NCOA3: variants seen among roughly 807,000 people sequenced by gnomAD.
The protein encoded by NCOA3 is CBP-interacting protein.
NCOA3 carries 51 observed loss-of-function variants against 158.8 expected under a neutral mutation model. The ratio of observed to expected loss-of-function variants is 0.32; its 90% CI spans 0.26 to 0.41. The LOEUF (loss-of-function observed/expected upper bound fraction) is 0.41, where lower values mean the gene tolerates loss of function less well. NCOA3 is among the 10% of genes least tolerant of loss of function. The probability of loss-of-function intolerance (pLI) is 1.00; values close to 1 mark genes in which losing one functional copy is unlikely to be tolerated. For missense variants in NCOA3, 1,510 were observed against 1,746.6 expected, an observed-to-expected ratio of 0.86 and a Z score of 2.41; for synonymous variants, 537 against 592.4, an observed-to-expected ratio of 0.91 and a Z score of 1.36.
intron 4 of NCOA3, among the ~76,000 whole-genome samples, chr20:47,624,818 G>T (rs1182722439): frequency 6.6e-6 from 1 of 152,096 alleles, no homozygotes; most frequent in African/African-American, 2.4e-5. Context: ...TGTCTCTCGG[G>T]CTGGAGTGCA....
chr20:47,525,804 G>A (rs527758002), intron 1 of NCOA3, among the ~76,000 whole-genome samples: 1 of 116,700 alleles, frequency 8.6e-6, no homozygotes, highest in African/African-American at 3.6e-5. Flanking sequence ...GGCTGGCCGG[G>A]CAGAGGGGCT....
chr20:47,636,080 A>G lies in NCOA3; in HGVS notation c.1694A>G (p.Gln565Arg), dbSNP rs1394918668. ...NITQPSKVSN[Q>R]DSKSPLGFYC... ...ACCCAACCAAGTAAAGTAAGCAATC[A>G]GGATTCCAAGAGTCCTCTGGGCTTT... Residue 565 changes from glutamine (Q) to arginine (R), a missense_variant, in exon 12 of 23, where the codon CAG becomes CGG. Physicochemically the swap from Gln to Arg is conservative, Grantham distance 43. Coordinates refer to ENST00000371998, the MANE Select transcript of NCOA3 (RefSeq NM_181659.3). 6.2e-7 allele frequency: 1 copy of G among 1,614,198 alleles called. No homozygotes were observed. The highest frequency in any genetic ancestry group is 8.5e-7 in the Non-Finnish European group (1 of 1,180,022).
intron 2 of NCOA3, among the ~76,000 whole-genome samples, chr20:47,603,951 G>C (rs2085904302): frequency 6.6e-6 from 1 of 152,206 alleles, no homozygotes; most frequent in African/African-American, 2.4e-5. Context: ...GGGTTTTCAG[G>C]CTTGAGTGGG....
chr20:47,549,526 C>T lies in NCOA3; in HGVS notation c.-98-33657C>T, dbSNP rs115449607. Among the ~76,000 whole-genome samples the T allele has an allele frequency of 3.9e-3, 580 of 147,030 alleles. 7 individuals carry two copies. Among genetic ancestry groups the T allele is most frequent in the African/African-American group, 0.014 (548 of 39,364 alleles). On this transcript the variant is annotated intron_variant, in intron 1 of 22. Transcript: ENST00000371998. The stretch of plus-strand genomic sequence containing the variant: ...AGCAAACTATGATCTGTCTGCTGCA[C>T]TCCATCCTGGGCAACAGAGCGAAGA...
intron 1 of NCOA3, among the ~76,000 whole-genome samples, chr20:47,530,852 T>G (rs1446923798): frequency 6.6e-6 from 1 of 152,224 alleles, no homozygotes; most frequent in Non-Finnish European, 1.5e-5. Flanking sequence ...TTTGTTTGGC[T>G]CCTTGAAATT....
chr20:47,647,012 C>T, intron 17 of NCOA3, 61 bp from the exon 18 acceptor site: 6 of 1,493,718 alleles, frequency 4.0e-6, no homozygotes, highest in Non-Finnish European at 5.5e-6. Context: ...TTCTTTAGAG[C>T]ATTTGACTTC....
At chr20:47,549,638 T>C (rs2084898581) in intron 1 of NCOA3, among the ~76,000 whole-genome samples, 1 of 151,906 alleles carries the variant, frequency 6.6e-6, no homozygotes, top group African/African-American at 2.4e-5. Flanking sequence ...TGAGCACAGA[T>C]GATTTAATGA....
chr20:47,563,045 T>C (rs2085133564), intron 1 of NCOA3, among the ~76,000 whole-genome samples: 2 of 152,210 alleles, frequency 1.3e-5, no homozygotes. Context: ...CACGCCTGGC[T>C]AAAAGTAATG....
At chr20:47,523,460 C>T (rs538616555) in intron 1 of NCOA3, among the ~76,000 whole-genome samples, 2 of 152,030 alleles carry the variant, frequency 1.3e-5, no homozygotes, top group Non-Finnish European at 2.9e-5. Context: ...AGAAATATTT[C>T]GAGTGATAGT....
At chr20:47,652,659 C>G in intron 21 of NCOA3, 79 bp downstream of exon 21, 1 of 1,382,558 alleles carries the variant, frequency 7.2e-7, no homozygotes, top group Non-Finnish European at 9.9e-7. Context: ...TCAGTCAAGC[C>G]TTTTTGGATG....
At chr20:47,529,753 A>C (rs1387276854) in intron 1 of NCOA3, among the ~76,000 whole-genome samples, 1 of 152,226 alleles carries the variant, frequency 6.6e-6, no homozygotes, top group Non-Finnish European at 1.5e-5. Flanking sequence ...AAATGTGAAG[A>C]TGATAAACAA....
intron 1 of NCOA3, among the ~76,000 whole-genome samples, chr20:47,517,699 C>T (rs2084258842): frequency 6.6e-6 from 1 of 152,058 alleles, no homozygotes; most frequent in African/African-American, 2.4e-5. Flanking sequence ...GATCTGCCTG[C>T]CTCGGCCTCC....
At chr20:47,617,777 T>A (rs1021403298) in intron 2 of NCOA3, among the ~76,000 whole-genome samples, 2 of 152,232 alleles carry the variant, frequency 1.3e-5, no homozygotes, top group African/African-American at 4.8e-5. Context: ...TTTCTTTAGT[T>A]TAATGAAATT....
In NCOA3 at chr20:47,639,585, A is replaced by G. The variant is rs1163100204; in HGVS notation, c.2716A>G (p.Asn906Asp). 9.9e-6 allele frequency: 16 copies of G among 1,613,426 alleles called. No homozygotes were observed. The highest frequency in any genetic ancestry group is 2.2e-5 in the South Asian group (2 of 91,050). ...ENYGSSMGGP[N>D]RNVTVTQTPS... ...ATGGCTACCTGTTTTAGGTGGGCCA[A>G]ACCGAAATGTGACTGTGACTCAGAC... The change falls in exon 15 of 23, where the codon AAC (asparagine) becomes GAC (aspartate). Residue 906 changes from asparagine to aspartate, a missense_variant. Asn to Asp is a conservative substitution (Grantham distance 23, BLOSUM62 1). Around this residue, in one of 4 missense-constraint regions of NCOA3, gnomAD observed 1,017 missense variants for 1,098.3 expected, o/e 0.93. Coordinates refer to ENST00000371998, the MANE Select transcript of NCOA3 (RefSeq NM_181659.3).
chr20:47,591,038 G>A (rs939697501), intron 2 of NCOA3, among the ~76,000 whole-genome samples: 2 of 150,648 alleles, frequency 1.3e-5, no homozygotes, highest in African/African-American at 2.4e-5. Context: ...GAACCCCAGG[G>A]GGCAGAGGCT....
At chr20:47,553,726 A>G (rs1214385216) in intron 1 of NCOA3, among the ~76,000 whole-genome samples, 6 of 151,410 alleles carry the variant, frequency 4.0e-5, no homozygotes, top group Non-Finnish European at 8.8e-5. Flanking sequence ...AAGGACATGA[A>G]CTCATCATTT....
rs778335139 is a variant in NCOA3 at position 47,636,000 on chromosome 20, A to G, written c.1614A>G (p.Leu538=). ...GTGAAGGTGTGGGGACTTCCCTTTT[A>G]TCTACTCTGTCATCACCAGGCCCCA... ...AISEGVGTSL[L]STLSSPGPKL... is the part of the protein sequence containing the mutation. Residue 538 remains leucine (L), a synonymous_variant, in exon 12 of 23, where the codon TTA becomes TTG. Coordinates refer to ENST00000371998, the MANE Select transcript of NCOA3 (RefSeq NM_181659.3). 7 of 1,614,046 alleles carry G rather than the reference A, an allele frequency of 4.3e-6. No individual in the cohort carries two copies. In the Admixed American group the frequency reaches 1.0e-4, roughly 23 times the overall value.
intron 1 of NCOA3, among the ~76,000 whole-genome samples, chr20:47,528,205 G>T (rs1289554914): frequency 6.6e-6 from 1 of 152,074 alleles, no homozygotes; most frequent in Non-Finnish European, 1.5e-5. Flanking sequence ...ACTATAAGCT[G>T]CATTCTTTAA....
chr20:47,519,271 C>T (rs1456284956), intron 1 of NCOA3, among the ~76,000 whole-genome samples: 1 of 151,888 alleles, frequency 6.6e-6, no homozygotes, highest in Non-Finnish European at 1.5e-5. Flanking sequence ...GCTGTCTCTA[C>T]TAAAAATATG....
Sources: allele counts gnomAD v4.1 joint callset (sites outside exome capture counted in the v4.1 genomes callset), GRCh38; gene constraint gnomAD v4.1.1; regional missense constraint gnomAD v4.1.1; transcripts MANE v1.5; gene names NCBI Gene and HGNC (gene_info 2026-07-23, HGNC 2026-07-21).